Variants in LCE5A observed in about 807,000 individuals in gnomAD.
The protein encoded by LCE5A is late cornified envelope 5A.
For synonymous variants in LCE5A, 51 were observed against 54.2 expected (o/e 0.94, Z 0.26); for missense variants, 139 against 147.2 (o/e 0.94, Z 0.29).
chr1:152,511,342 G>A (rs531105786), intron 1 of LCE5A, among the ~76,000 whole-genome samples, 172 bp from the exon 2 acceptor site: 1 of 152,226 alleles, frequency 6.6e-6, no homozygotes, highest in South Asian at 2.1e-4. Context: ...AGGTTGCAGT[G>A]AGCCGAGATA....
Position 152,511,828 on chromosome 1 carries a change from C to T in LCE5A, c.294C>T (p.Gly98=). The change falls in exon 2 of 2, where the codon GGC becomes GGT. Residue 98 remains glycine (G), a synonymous_variant. Coordinates refer to ENST00000334269, the MANE Select transcript of LCE5A (RefSeq NM_178438.5). ...CGSGSGQQSG[G]SSCCHSSGGS... is the part of the protein sequence containing the mutation. ...GTGGCAGTGGCCAGCAGTCTGGGGG[C>T]TCCAGCTGCTGCCACAGCTCTGGGG... 1 of 1,613,810 alleles carries T rather than the reference C, an allele frequency of 6.2e-7. No individual in the cohort carries two copies. Among genetic ancestry groups the T allele is most frequent in the African/African-American group, 1.3e-5 (1 of 75,016 alleles).
rs1056328479 is a variant in LCE5A at position 152,511,861 on chromosome 1, C to A, written c.327C>A (p.Gly109=). ...SSCCHSSGGS[G]CCHSSGGCC is the part of the protein sequence containing the mutation. The stretch of plus-strand genomic sequence containing the variant: ...GCTGCCACAGCTCTGGGGGCTCTGG[C>A]TGCTGCCACAGCTCTGGAGGCTGCT... The change falls in exon 2 of 2, where the codon GGC becomes GGA. Residue 109 remains glycine (G), a synonymous_variant. Coordinates refer to ENST00000334269, the MANE Select transcript of LCE5A (RefSeq NM_178438.5). The A allele has an allele frequency of 1.2e-6, 2 of 1,613,420 alleles. No homozygotes were observed. Among genetic ancestry groups the A allele is most frequent in the Non-Finnish European group, 8.5e-7 (1 of 1,179,744 alleles).
Position 152,511,731 on chromosome 1 carries a change from G to A in LCE5A, c.197G>A (p.Gly66Asp). ...SGGCCSSEGGGCCLSHHRPRQ... is the reference protein window; with the variant it reads ...SGGCCSSEGGDCCLSHHRPRQ... ...GGCTGCTGCAGCTCTGAGGGTGGTGGCTGCTGCCTGAGCCACCACAGGCCC... is the reference window on the plus strand; with the variant it reads ...GGCTGCTGCAGCTCTGAGGGTGGTGACTGCTGCCTGAGCCACCACAGGCCC... The change falls in exon 2 of 2, where the codon GGC becomes GAC. Residue 66 changes from glycine (G) to aspartate (D), a missense_variant. Transcript: ENST00000334269. 1 of 1,614,010 alleles carries A rather than the reference G, an allele frequency of 6.2e-7. No individual in the cohort carries two copies. The highest frequency in any genetic ancestry group is 8.5e-7 in the Non-Finnish European group (1 of 1,179,946).
Position 152,511,719 on chromosome 1 carries a change from C to T in LCE5A, c.185C>T (p.Ser62Phe), listed in dbSNP as rs746040721. 23 of 1,613,768 alleles carry T rather than the reference C, an allele frequency of 1.4e-5. No homozygotes were observed. The highest frequency in any genetic ancestry group is 1.0e-4 in the Admixed American group (6 of 60,000). Residue 62 changes from serine to phenylalanine, a missense_variant, in exon 2 of 2, where the codon TCT becomes TTT. Transcript: ENST00000334269. ...CGSSSGGCCSSEGGGCCLSHH... is the reference protein window; with the variant it reads ...CGSSSGGCCSFEGGGCCLSHH... ...TCCAGCTCTGGGGGCTGCTGCAGCTCTGAGGGTGGTGGCTGCTGCCTGAGC... is the reference window on the plus strand; with the variant it reads ...TCCAGCTCTGGGGGCTGCTGCAGCTTTGAGGGTGGTGGCTGCTGCCTGAGC...
chr1:152,512,137 GA>G lies in LCE5A; in HGVS notation c.*248del. 1 of 520,728 alleles carries G rather than the reference GA, an allele frequency of 1.9e-6. No individual in the cohort carries two copies. The highest frequency in any genetic ancestry group is 3.5e-6 in the Non-Finnish European group (1 of 289,534). The allele number at this position is 520,728 out of a possible 1,614,324, so 32.3% of individuals were successfully genotyped here. A position where few individuals can be genotyped will look rare whatever the true frequency, so the allele number is the denominator to read the frequency against. On this transcript the variant is annotated 3_prime_UTR_variant, in exon 2 of 2. Transcript: ENST00000334269. The stretch of plus-strand genomic sequence containing the variant: ...GAACTAGGTGTTGTAATTCAGTTAT[GA>G]AGCTATTTTCTCTGTAACAATAAAG...
chr1:152,511,448 A>G, intron 1 of LCE5A, 66 bp from the exon 2 acceptor site: 1 of 1,020,060 alleles, frequency 9.8e-7, no homozygotes, highest in Non-Finnish European at 1.5e-6. Flanking sequence ...TAGAGATAAA[A>G]TCTTGTGAAA....
Position 152,511,699 on chromosome 1 carries a change from C to T in LCE5A, c.165C>T (p.Ser55=), listed in dbSNP as rs770977955. 49 of 1,614,074 alleles carry T rather than the reference C, an allele frequency of 3.0e-5. No homozygotes were observed. The highest frequency in any genetic ancestry group is 1.1e-4 in the African/African-American group (8 of 74,942). Residue 55 remains serine, a synonymous_variant, in exon 2 of 2, where the codon AGC becomes AGT. Coordinates refer to ENST00000334269, the MANE Select transcript of LCE5A (RefSeq NM_178438.5). ...CAGTCTCTTCCTGCTGTGGTTCCAG[C>T]TCTGGGGGCTGCTGCAGCTCTGAGG... The part of the protein sequence containing the change: ...PPPVSSCCGS[S]SGGCCSSEGG...
rs775030768 is a variant in LCE5A at position 152,511,941 on chromosome 1, T to C, written c.*50T>C. ...AGAAGGACTGGCAGATCCCAGGTGC[T>C]GAAGATGTGTGTCAGCCTGAGGCTT... On this transcript the variant is annotated 3_prime_UTR_variant, in exon 2 of 2. Transcript: ENST00000334269. 1.3e-5 allele frequency: 20 copies of C among 1,508,024 alleles called. No individual in the cohort carries two copies. Among genetic ancestry groups the C allele is most frequent in the Admixed American group, 2.1e-5 (1 of 48,656 alleles). 93.4% of individuals were successfully genotyped at this position (1,508,024 alleles called of 1,614,324 possible).
rs1658570514 is a variant in LCE5A, at chr1:152,511,500, G to A, written c.-21-14G>A. ...AGGGCAAGGAAGTGACCTTGGGCTT[G>A]TATTGTCTTTCAGCTTTATTCAGCT... On this transcript the variant is annotated splice_polypyrimidine_tract_variant and intron_variant, in intron 1 of 1. Coordinates refer to ENST00000334269, the MANE Select transcript of LCE5A (RefSeq NM_178438.5). The A allele has an allele frequency of 1.3e-6, 2 of 1,582,214 alleles. No homozygotes were observed. Among genetic ancestry groups the A allele is most frequent in the Non-Finnish European group, 1.7e-6 (2 of 1,151,338 alleles).
At chr1:152,511,485 A>G in intron 1 of LCE5A, 29 bp from the exon 2 acceptor site, 3 of 1,482,354 alleles carry the variant, frequency 2.0e-6, no homozygotes, top group Non-Finnish European at 2.8e-6. Flanking sequence ...AGGGCAAGGA[A>G]GTGACCTTGG....
chr1:152,512,029 C>T lies in LCE5A; in HGVS notation c.*138C>T, dbSNP rs61813870. 0.043 allele frequency: 31,944 copies of T among 743,316 alleles called. 866 individuals are homozygous for T. The highest frequency in any genetic ancestry group is 0.059 in the Non-Finnish European group (26,639 of 454,900). 46.0% of individuals were successfully genotyped at this position (743,316 alleles called of 1,614,324 possible). On this transcript the variant is annotated 3_prime_UTR_variant, in exon 2 of 2. Transcript: ENST00000334269. ...CCTTAAGTTCCCCTCTTTATCCTGC[C>T]CATGTTCACTCCATTGTAGGGTTGA...
rs112794078 is a variant in LCE5A, at chr1:152,511,858, T to C, written c.324T>C (p.Ser108=). Residue 108 remains serine (S), a synonymous_variant, in exon 2 of 2, where the codon TCT becomes TCC. Coordinates refer to ENST00000334269, the MANE Select transcript of LCE5A (RefSeq NM_178438.5). ...GSSCCHSSGG[S]GCCHSSGGCC is the part of the protein sequence containing the mutation. ...GCTGCTGCCACAGCTCTGGGGGCTC[T>C]GGCTGCTGCCACAGCTCTGGAGGCT... 3.7e-5 allele frequency: 59 copies of C among 1,613,252 alleles called. No individual in the cohort carries two copies. In the African/African-American group the frequency reaches 4.3e-4, roughly 12 times the overall value.
rs1230072515 is a variant in LCE5A, at chr1:152,511,644, C to T, written c.110C>T (p.Pro37Leu). 4 of 1,614,112 alleles carry T rather than the reference C, an allele frequency of 2.5e-6. No individual in the cohort carries two copies. In the East Asian group the frequency reaches 6.7e-5, roughly 27 times the overall value. ...KCPPKCPPKCPPQCSAPCPPP... is the reference protein window; with the variant it reads ...KCPPKCPPKCLPQCSAPCPPP... ...CCTCCCAAGTGTCCCCCAAAATGCC[C>T]TCCCCAGTGTTCAGCCCCATGCCCA... The change falls in exon 2 of 2, where the codon CCT becomes CTT. Residue 37 changes from proline (P) to leucine (L), a missense_variant. Coordinates refer to ENST00000334269, the MANE Select transcript of LCE5A (RefSeq NM_178438.5).
chr1:152,511,469 A>G (rs1488329031), intron 1 of LCE5A, 45 bp from the exon 2 acceptor site: 8 of 1,316,166 alleles, frequency 6.1e-6, no homozygotes, highest in Non-Finnish European at 8.7e-6. Context: ...TTATAGTTCA[A>G]TTTTAAGGGC....
chr1:152,512,175 T>C lies in LCE5A; in HGVS notation c.*284T>C. 1 of 428,050 alleles carries C rather than the reference T, an allele frequency of 2.3e-6. No individual in the cohort carries two copies. The highest frequency in any genetic ancestry group is 4.3e-6 in the Non-Finnish European group (1 of 234,034). The allele number at this position is 428,050 out of a possible 1,614,324, so 26.5% of individuals were successfully genotyped here. On this transcript the variant is annotated 3_prime_UTR_variant, in exon 2 of 2. Coordinates refer to ENST00000334269, the MANE Select transcript of LCE5A (RefSeq NM_178438.5). ...CTGTAACAATAAAGCTTTTTATTCC[T>C]GATATCACTGCCTCCTGATTTCATT...
Position 152,512,118 on chromosome 1 carries a change from G to T in LCE5A, c.*227G>T. 1 of 549,444 alleles carries T rather than the reference G, an allele frequency of 1.8e-6. No individual in the cohort carries two copies. Among genetic ancestry groups the T allele is most frequent in the Non-Finnish European group, 3.3e-6 (1 of 305,594 alleles). The allele number at this position is 549,444 out of a possible 1,614,324, so 34.0% of individuals were successfully genotyped here. ...TCAGACATAGCTCTTTGGAGAACTA[G>T]GTGTTGTAATTCAGTTATGAAGCTA... On this transcript the variant is annotated 3_prime_UTR_variant, in exon 2 of 2. Transcript: ENST00000334269.
At position 152,510,812 on chromosome 1, in the gene LCE5A, G is replaced by C. The variant is rs539856507; in HGVS notation, c.-208G>C. ...CTTCTGACAGCACCTCAGTCTACCT[G>C]TCTCCTGAGTGATCTGCTGCAGTGC... On this transcript the variant is annotated 5_prime_UTR_variant, in exon 1 of 2. Coordinates refer to ENST00000334269, the MANE Select transcript of LCE5A (RefSeq NM_178438.5). The C allele has an allele frequency of 6.6e-6, 1 of 152,490 alleles. No individual in the cohort carries two copies. The highest frequency in any genetic ancestry group is 1.9e-4 in the East Asian group (1 of 5,188). 9.4% of individuals were successfully genotyped at this position (152,490 alleles called of 1,614,324 possible). A position where few individuals can be genotyped will look rare whatever the true frequency, so the allele number is the denominator to read the frequency against.
In LCE5A at chr1:152,511,586, C is replaced by A. The variant is rs781671353; in HGVS notation, c.52C>A (p.Pro18Thr). 4 of 1,614,144 alleles carry A rather than the reference C, an allele frequency of 2.5e-6. No homozygotes were observed. In the Admixed American group the frequency reaches 6.7e-5, roughly 27 times the overall value. Reference protein sequence around the residue: ...QQCQPPPKCTPKCPPKCTPKC... With the variant: ...QQCQPPPKCTTKCPPKCTPKC... ...GTGCCAGCCTCCTCCCAAATGTACC[C>A]CTAAATGCCCTCCCAAGTGTACTCC... is the stretch of plus-strand genomic sequence containing the variant. Residue 18 changes from proline (P) to threonine (T), a missense_variant, in exon 2 of 2, where the codon CCT (proline) becomes ACT (threonine). Physicochemically the swap from Pro to Thr is conservative, Grantham distance 38. Transcript: ENST00000334269.
chr1:152,511,451 T>TTG lies in LCE5A; in HGVS notation c.-21-60_-21-59dup, dbSNP rs1423376965. ...TTCTGGTCATCTTAGAGATAAAATC[T>TTG]TGTGAAATTATAGTTCAATTTTAAG... On this transcript the variant is annotated intron_variant, in intron 1 of 1. Coordinates refer to ENST00000334269, the MANE Select transcript of LCE5A (RefSeq NM_178438.5). The TTG allele has an allele frequency of 1.1e-5, 12 of 1,044,954 alleles. 1 individual carries two copies. The African/African-American group carries it at 1.4e-4, about 12-fold the overall frequency. The allele number at this position is 1,044,954 out of a possible 1,614,324, so 64.7% of individuals were successfully genotyped here.
Sources: allele counts gnomAD v4.1 joint callset (sites outside exome capture counted in the v4.1 genomes callset), GRCh38; gene constraint gnomAD v4.1.1; transcripts MANE v1.5; gene names NCBI Gene and HGNC (gene_info 2026-07-23, HGNC 2026-07-21).